The following ASTN2 variants were observed in gnomAD, a reference collection of about 807,000 sequenced individuals.
ASTN2 encodes the protein astrotactin 2.
Under a neutral mutation model 139.8 loss-of-function variants are expected in ASTN2, and 54 were observed. The ratio of observed to expected loss-of-function variants is 0.39; its 90% confidence interval spans 0.31 to 0.48. The LOEUF is 0.48. Among genes scored for constraint, ASTN2 ranks in the 20% least tolerant of loss-of-function variants. ASTN2 has a pLI of 0.95. For synonymous variants in ASTN2, 756 were observed against 719.5 expected (o/e 1.05, Z -0.81); for missense variants, 1,565 against 1,725.1 (o/e 0.91, Z 1.64).
intron 2 of ASTN2, among the ~76,000 whole-genome samples, chr9:117,218,507 G>C (rs1002861623): frequency 2.0e-5 from 3 of 152,262 alleles, no homozygotes; most frequent in South Asian, 4.1e-4. Flanking sequence ...GGCTTCTAAA[G>C]AACTCAGGAG....
rs140279085 is a variant in ASTN2 at position 117,033,374 on chromosome 9, A to G, written c.1423+6445T>C. 2.9e-3 allele frequency among the ~76,000 whole-genome samples: 443 copies of G among 152,290 alleles called. 2 individuals carry two copies. Among genetic ancestry groups the G allele is most frequent in the African/African-American group, 0.01 (430 of 41,576 alleles). ...ACTACTTCTAACATTTATATAATTTATTGAACCATTACTAGGTCTTAGGTA... is the reference window on the plus strand; with the variant it reads ...ACTACTTCTAACATTTATATAATTTGTTGAACCATTACTAGGTCTTAGGTA... On this transcript the variant is annotated intron_variant, in intron 6 of 22. Coordinates refer to ENST00000313400, the MANE Select transcript of ASTN2 (RefSeq NM_001365068.1).
At chr9:117,370,709 C>G (rs1372265371) in intron 1 of ASTN2, among the ~76,000 whole-genome samples, 1 of 151,700 alleles carries the variant, frequency 6.6e-6, no homozygotes, top group Non-Finnish European at 1.5e-5. Flanking sequence ...ATGTCAAACT[C>G]TTTTTTTTCC....
intron 7 of ASTN2, among the ~76,000 whole-genome samples, chr9:116,991,237 T>C (rs955672485): frequency 3.3e-5 from 5 of 152,182 alleles, no homozygotes; most frequent in Non-Finnish European, 7.3e-5. Context: ...CTGAATCAAA[T>C]GCTGCCTTCA....
At chr9:117,320,448 T>C (rs552245826) in intron 1 of ASTN2, among the ~76,000 whole-genome samples, 1 of 152,270 alleles carries the variant, frequency 6.6e-6, no homozygotes, top group African/African-American at 2.4e-5. Context: ...CTTTTCCATA[T>C]AGGATTATAT....
At chr9:117,327,797 C>T (rs2130842898) in intron 1 of ASTN2, among the ~76,000 whole-genome samples, 1 of 152,304 alleles carries the variant, frequency 6.6e-6, no homozygotes, top group Non-Finnish European at 1.5e-5. Flanking sequence ...AAGCATTATG[C>T]TAGAAGCTTG....
chr9:117,003,045 A>G (rs1837236836), intron 7 of ASTN2, among the ~76,000 whole-genome samples: 1 of 152,180 alleles, frequency 6.6e-6, no homozygotes, highest in Non-Finnish European at 1.5e-5. Flanking sequence ...TTTTCTGTGA[A>G]AGGGACAGAG....
chr9:117,099,040 G>T (rs1243240737), intron 4 of ASTN2, among the ~76,000 whole-genome samples: 5 of 150,898 alleles, frequency 3.3e-5, no homozygotes, highest in Admixed American at 6.6e-5. Flanking sequence ...CCAGGAGGTG[G>T]AGGTTGCAGT....
At chr9:116,451,683 T>C (rs1202668257) in intron 20 of ASTN2, among the ~76,000 whole-genome samples, 2 of 152,212 alleles carry the variant, frequency 1.3e-5, no homozygotes, top group Non-Finnish European at 2.9e-5. Flanking sequence ...CTGGATCTTC[T>C]GTCTGCTGCA....
intron 3 of ASTN2, among the ~76,000 whole-genome samples, chr9:117,182,277 T>C (rs976757269): frequency 3.3e-5 from 5 of 150,434 alleles, no homozygotes; most frequent in Non-Finnish European, 7.4e-5. Flanking sequence ...CCCAGGCATT[T>C]CCCTGAGTGA....
intron 20 of ASTN2, among the ~76,000 whole-genome samples, chr9:116,467,667 T>C (rs1310184079): frequency 6.6e-6 from 1 of 152,246 alleles, no homozygotes; most frequent in Non-Finnish European, 1.5e-5. Context: ...CATTCTATTT[T>C]CCTTAACAAC....
intron 17 of ASTN2, among the ~76,000 whole-genome samples, chr9:116,638,791 T>G (rs1452720053): frequency 9.4e-6 from 1 of 106,370 alleles, no homozygotes; most frequent in Non-Finnish European, 2.1e-5. Context: ...GTTTCTGATT[T>G]GAAAAAACAA....
intron 3 of ASTN2, among the ~76,000 whole-genome samples, chr9:117,158,771 T>C (rs1830483836): frequency 6.6e-6 from 1 of 151,986 alleles, no homozygotes; most frequent in Non-Finnish European, 1.5e-5. Flanking sequence ...AAACAAAATT[T>C]ATGCAAATAT....
At chr9:117,218,602 A>G (rs1832410118) in intron 2 of ASTN2, among the ~76,000 whole-genome samples, 1 of 152,230 alleles carries the variant, frequency 6.6e-6, no homozygotes, top group South Asian at 2.1e-4. Context: ...CTGAAAAAGT[A>G]GTGGAATACA....
chr9:116,770,409 T>C (rs1295307856), intron 13 of ASTN2, among the ~76,000 whole-genome samples: 1 of 152,218 alleles, frequency 6.6e-6, no homozygotes, highest in African/African-American at 2.4e-5. Flanking sequence ...GTGCGGGTTA[T>C]GTGCCAGGTG....
chr9:117,284,832 C>G (rs1227585734), intron 2 of ASTN2, among the ~76,000 whole-genome samples: 1 of 152,198 alleles, frequency 6.6e-6, no homozygotes, highest in East Asian at 1.9e-4. Context: ...AGTACATGCT[C>G]AAATCCCACT....
intron 2 of ASTN2, among the ~76,000 whole-genome samples, chr9:117,250,168 G>T (rs1309940243): frequency 3.9e-5 from 6 of 152,188 alleles, no homozygotes. Flanking sequence ...AGTCTTTAGT[G>T]ATGCAGACAT....
At chr9:116,542,993 GAA>G (rs57022051) in intron 19 of ASTN2, among the ~76,000 whole-genome samples, 1 of 147,918 alleles carries the variant, frequency 6.8e-6, no homozygotes, top group Non-Finnish European at 1.5e-5. Flanking sequence ...TCATCCAGCT[GAA>G]AAAAAAATCA....
intron 19 of ASTN2, among the ~76,000 whole-genome samples, chr9:116,531,943 T>G (rs1026818546): frequency 9.2e-5 from 14 of 152,216 alleles, no homozygotes; most frequent in Non-Finnish European, 1.8e-4. Flanking sequence ...ATCACCACAC[T>G]GTCTTCCACA....
chr9:116,831,135 T>C (rs1831801114), intron 11 of ASTN2, among the ~76,000 whole-genome samples: 1 of 152,136 alleles, frequency 6.6e-6, no homozygotes, highest in Admixed American at 6.6e-5. Context: ...AAGTGGGAGC[T>C]AAACAATCGG....
Sources: allele counts gnomAD v4.1 joint callset (sites outside exome capture counted in the v4.1 genomes callset), GRCh38; gene constraint gnomAD v4.1.1; transcripts MANE v1.5; gene names NCBI Gene and HGNC (gene_info 2026-07-23, HGNC 2026-07-21).